NRXN3: variants seen among roughly 807,000 people sequenced by gnomAD.
The protein encoded by NRXN3 is neurexin 3.
A neutral mutation model predicts 137.6 loss-of-function variants in NRXN3; 32 were observed. That is an observed-to-expected ratio of 0.23 (90% CI 0.18 to 0.31). The LOEUF (loss-of-function observed/expected upper bound fraction) is 0.31. Ranked by LOEUF, NRXN3 falls within the 10% of genes least tolerant of loss-of-function variation. The pLI, the probability that NRXN3 is intolerant of heterozygous loss-of-function variation, is 1.00. For missense variants in NRXN3, 1,574 were observed against 2,062.5 expected, an observed-to-expected ratio of 0.76 and a Z score of 4.59; for synonymous variants, 798 against 784.5, an observed-to-expected ratio of 1.02 and a Z score of -0.29.
At chr14:79,444,399 G>A (rs1426265931) in intron 15 of NRXN3, among the ~76,000 whole-genome samples, 1 of 152,156 alleles carries the variant, frequency 6.6e-6, no homozygotes, top group Non-Finnish European at 1.5e-5. Flanking sequence ...ATAGTTATAC[G>A]ACTGCTTCGG....
intron 16 of NRXN3, among the ~76,000 whole-genome samples, chr14:79,564,995 G>A (rs1333186525): frequency 1.3e-5 from 2 of 152,094 alleles, no homozygotes; most frequent in Admixed American, 1.3e-4. Context: ...TGAGCATCAT[G>A]ACCTCAGGAG....
chr14:78,397,215 G>A (rs896289555), intron 4 of NRXN3, among the ~76,000 whole-genome samples: 41 of 152,264 alleles, frequency 2.7e-4, no homozygotes, highest in African/African-American at 9.6e-4. Flanking sequence ...TCTTACCACA[G>A]TTGGGGAGTT....
chr14:78,608,259 C>A (rs915523008), intron 4 of NRXN3, among the ~76,000 whole-genome samples: 1 of 152,060 alleles, frequency 6.6e-6, no homozygotes, highest in African/African-American at 2.4e-5. Flanking sequence ...CAACTTCCCA[C>A]CCCCACTTAA....
chr14:79,172,101 G>GGGTT (rs2061838425), intron 15 of NRXN3, among the ~76,000 whole-genome samples: 1 of 151,906 alleles, frequency 6.6e-6, no homozygotes. Context: ...TTTAGTCTTT[G>GGGTT]GGTTAGTCTC....
At chr14:79,090,171 T>A (rs1438706181) in intron 15 of NRXN3, among the ~76,000 whole-genome samples, 1 of 152,180 alleles carries the variant, frequency 6.6e-6, no homozygotes, top group South Asian at 2.1e-4. Context: ...GGCTTGTCTT[T>A]CCTGGTTCTA....
intron 14 of NRXN3, among the ~76,000 whole-genome samples, chr14:78,969,940 G>A (rs2099430877): frequency 6.6e-6 from 1 of 151,768 alleles, no homozygotes; most frequent in South Asian, 2.1e-4. Context: ...TTCAATCAGG[G>A]ATTTTTGTCT....
intron 15 of NRXN3, among the ~76,000 whole-genome samples, chr14:79,247,838 ATTC>A (rs2075401220): frequency 6.6e-6 from 1 of 151,878 alleles, no homozygotes; most frequent in Non-Finnish European, 1.5e-5. Flanking sequence ...TTCCACCTCT[ATTC>A]TTCTGCATCA....
At chr14:78,466,535 A>C (rs2095111679) in intron 4 of NRXN3, among the ~76,000 whole-genome samples, 1 of 152,208 alleles carries the variant, frequency 6.6e-6, no homozygotes, top group African/African-American at 2.4e-5. Context: ...AAGATGTAGA[A>C]AAGAAAGTGG....
At chr14:78,971,294 A>T (rs546522649) in intron 14 of NRXN3, among the ~76,000 whole-genome samples, 2 of 152,262 alleles carry the variant, frequency 1.3e-5, no homozygotes, top group South Asian at 4.1e-4. Flanking sequence ...AACAGAACAA[A>T]TTTCTTAATT....
chr14:78,609,537 C>T (rs922973383), intron 4 of NRXN3, among the ~76,000 whole-genome samples: 1 of 152,144 alleles, frequency 6.6e-6, no homozygotes, highest in African/African-American at 2.4e-5. Context: ...TGGTTAAGCA[C>T]TTGAGCTTTG....
chr14:78,808,965 T>A (rs2153093630), intron 9 of NRXN3, among the ~76,000 whole-genome samples: 1 of 151,912 alleles, frequency 6.6e-6, no homozygotes, highest in African/African-American at 2.4e-5. Context: ...AAAAAAAAAA[T>A]CATTTCGCTT....
At chr14:79,175,082 G>A (rs895414452) in intron 15 of NRXN3, among the ~76,000 whole-genome samples, 7 of 149,894 alleles carry the variant, frequency 4.7e-5, no homozygotes, top group Non-Finnish European at 8.9e-5. Context: ...CCGGGTTCAC[G>A]CCATTCTCCT....
intron 15 of NRXN3, among the ~76,000 whole-genome samples, chr14:79,257,645 C>G (rs1249076056): frequency 7.0e-6 from 1 of 142,140 alleles, no homozygotes; most frequent in African/African-American, 2.7e-5. Flanking sequence ...GATGCTGCCT[C>G]ACAGAAACTT....
intron 14 of NRXN3, among the ~76,000 whole-genome samples, chr14:78,972,528 G>A (rs972483207): frequency 9.2e-5 from 14 of 152,148 alleles, no homozygotes; most frequent in South Asian, 2.1e-4. Context: ...TTGCACACAC[G>A]TGTCTTTCAG....
chr14:79,571,516 G>A (rs1179157567), intron 16 of NRXN3, among the ~76,000 whole-genome samples: 9 of 152,112 alleles, frequency 5.9e-5, no homozygotes, highest in Admixed American at 2.6e-4. Context: ...ACTGACTGCC[G>A]GGGAGCATCC....
intron 20 of NRXN3, among the ~76,000 whole-genome samples, chr14:79,847,629 G>A (rs185903613): frequency 1.8e-3 from 269 of 152,256 alleles, no homozygotes; most frequent in Non-Finnish European, 3.1e-3. Flanking sequence ...AATGCATCAA[G>A]ATGTTATTAG....
At chr14:78,917,421 TA>T (rs1204175101) in intron 10 of NRXN3, among the ~76,000 whole-genome samples, 3 of 152,184 alleles carry the variant, frequency 2.0e-5, no homozygotes, top group African/African-American at 7.2e-5. Flanking sequence ...GGAGTTCACC[TA>T]TACAACAGAC....
At chr14:79,257,343 C>CTGGTGGTGGTGG (rs577147425) in intron 15 of NRXN3, among the ~76,000 whole-genome samples, 1 of 12,692 alleles carries the variant, frequency 7.9e-5, no homozygotes, top group Non-Finnish European at 1.5e-4. Context: ...TGTCTTATTC[C>CTGGTGGTGGTGG]TGGTGGTGGT....
intron 10 of NRXN3, among the ~76,000 whole-genome samples, chr14:78,901,261 C>T (rs1005673385): frequency 5.3e-5 from 8 of 151,936 alleles, no homozygotes; most frequent in Admixed American, 2.6e-4. Context: ...TGGATCCAAC[C>T]TCATGATTTC....
Sources: gnomAD v4.1 joint callset for allele counts (sites outside exome capture counted in the v4.1 genomes callset) on GRCh38, gnomAD v4.1.1 for gene constraint, MANE v1.5 for transcripts, NCBI Gene and HGNC (gene_info 2026-07-23, HGNC 2026-07-21) for gene names.